The following ANKS1B variants were observed in gnomAD, a reference collection of about 807,000 sequenced individuals.
ANKS1B encodes ankyrin repeat and sterile alpha motif domain containing 1B.
Under a neutral mutation model 148.3 loss-of-function variants are expected in ANKS1B, and 36 were observed. That is an observed-to-expected ratio of 0.24 (90% CI 0.19 to 0.32). The LOEUF (loss-of-function observed/expected upper bound fraction) is 0.32. ANKS1B is among the 10% of genes least tolerant of loss of function. The pLI is 1.00. For synonymous variants in ANKS1B, 542 were observed against 560.8 expected, an observed-to-expected ratio of 0.97 and a Z score of 0.47; for missense variants, 1,157 against 1,542.6, an observed-to-expected ratio of 0.75 and a Z score of 4.19.
chr12:99,842,545 A>G (rs1234602297), intron 1 of ANKS1B, among the ~76,000 whole-genome samples: 1 of 152,110 alleles, frequency 6.6e-6, no homozygotes, highest in Non-Finnish European at 1.5e-5. Context: ...CCCTCAGGTG[A>G]TACCTGGTCA....
At chr12:99,352,794 A>T (rs1224587574) in intron 12 of ANKS1B, among the ~76,000 whole-genome samples, 1 of 72,950 alleles carries the variant, frequency 1.4e-5, no homozygotes, top group Non-Finnish European at 2.6e-5. Flanking sequence ...CTCATTGGCA[A>T]ATTTGCTCCT....
chr12:99,802,419 T>G (rs2067059938), intron 4 of ANKS1B, among the ~76,000 whole-genome samples: 1 of 152,166 alleles, frequency 6.6e-6, no homozygotes, highest in African/African-American at 2.4e-5. Context: ...CAACCCTACT[T>G]TCTTAATATC....
At chr12:99,911,699 C>A (rs147989938) in intron 1 of ANKS1B, among the ~76,000 whole-genome samples, 311 of 152,184 alleles carry the variant, frequency 2.0e-3, no homozygotes, top group African/African-American at 7.3e-3. Flanking sequence ...TTAAAAAACC[C>A]AACGTACTCA....
intron 12 of ANKS1B, among the ~76,000 whole-genome samples, chr12:99,338,727 T>C (rs1007362084): frequency 6.6e-6 from 1 of 152,122 alleles, no homozygotes; most frequent in Non-Finnish European, 1.5e-5. Context: ...ATGGGCTCTT[T>C]AGCCAGCAGG....
At chr12:99,810,101 G>T (rs1442105836) in intron 3 of ANKS1B, among the ~76,000 whole-genome samples, 1 of 152,002 alleles carries the variant, frequency 6.6e-6, no homozygotes, top group African/African-American at 2.4e-5. Flanking sequence ...TGTGTAAAAG[G>T]CTCTGGAGTC....
intron 3 of ANKS1B, 27 bp downstream of exon 3, chr12:99,812,128 T>A: frequency 6.3e-7 from 1 of 1,593,376 alleles, no homozygotes; most frequent in Non-Finnish European, 8.6e-7. Flanking sequence ...AAAAATTACA[T>A]CATGAGCAAA....
intron 10 of ANKS1B, among the ~76,000 whole-genome samples, chr12:99,465,904 A>C (rs1187005807): frequency 6.6e-6 from 1 of 152,036 alleles, no homozygotes; most frequent in Non-Finnish European, 1.5e-5. Flanking sequence ...AGTTAACAAG[A>C]ATACCCAGGA....
chr12:98,914,794 A>G (rs2099791931), intron 17 of ANKS1B, among the ~76,000 whole-genome samples: 1 of 151,808 alleles, frequency 6.6e-6, no homozygotes, highest in Admixed American at 6.6e-5. Context: ...CTTCATGACT[A>G]CTCAAATGAA....
At chr12:98,766,311 G>T (rs2098479795) in intron 25 of ANKS1B, among the ~76,000 whole-genome samples, 1 of 152,138 alleles carries the variant, frequency 6.6e-6, no homozygotes. Flanking sequence ...AGGACCATTG[G>T]AATGCGATGC....
At chr12:99,053,358 C>T in intron 16 of ANKS1B, 49 bp from the exon 17 acceptor site, 1 of 1,412,246 alleles carries the variant, frequency 7.1e-7, no homozygotes, top group African/African-American at 1.5e-5. Context: ...CTTTGTGTCC[C>T]AACAACAGAA....
chr12:99,054,771 T>C (rs1339601840), intron 16 of ANKS1B, among the ~76,000 whole-genome samples: 1 of 152,238 alleles, frequency 6.6e-6, no homozygotes, highest in Non-Finnish European at 1.5e-5. Context: ...CTCAAACTCC[T>C]GACCTCAAGT....
intron 1 of ANKS1B, among the ~76,000 whole-genome samples, chr12:99,915,877 C>T (rs1303324406): frequency 2.6e-5 from 4 of 152,136 alleles, no homozygotes; most frequent in Non-Finnish European, 5.9e-5. Context: ...GGTTTTCTGG[C>T]ATTCTGTTGC....
At chr12:99,170,070 A>C (rs763136867) in intron 14 of ANKS1B, among the ~76,000 whole-genome samples, 1 of 152,212 alleles carries the variant, frequency 6.6e-6, no homozygotes, top group Non-Finnish European at 1.5e-5. Flanking sequence ...CTAATGTGAA[A>C]AGCCATGAGA....
intron 11 of ANKS1B, among the ~76,000 whole-genome samples, chr12:99,440,475 T>G (rs2095531804): frequency 6.6e-6 from 1 of 151,696 alleles, no homozygotes; most frequent in Non-Finnish European, 1.5e-5. Context: ...TGTGGGTTAA[T>G]ATACTGGAGA....
chr12:99,047,666 G>C (rs1178305234), intron 17 of ANKS1B, among the ~76,000 whole-genome samples: 1 of 152,156 alleles, frequency 6.6e-6, no homozygotes, highest in Non-Finnish European at 1.5e-5. Flanking sequence ...GCAGAAGAGA[G>C]GCTGGTGGAG....
intron 12 of ANKS1B, among the ~76,000 whole-genome samples, chr12:99,283,442 G>A (rs2078731210): frequency 6.6e-6 from 1 of 152,120 alleles, no homozygotes; most frequent in African/African-American, 2.4e-5. Context: ...CATCTTTACT[G>A]TTTGTTCTCT....
At chr12:99,573,379 T>A (rs75473132) in intron 9 of ANKS1B, among the ~76,000 whole-genome samples, 2,642 of 152,232 alleles carry the variant, frequency 0.017, 64 homozygotes, top group African/African-American at 0.059. Context: ...TTGATTTTTT[T>A]AAAAAATTGG....
intron 1 of ANKS1B, among the ~76,000 whole-genome samples, chr12:99,826,918 C>T (rs569406095): frequency 6.6e-6 from 1 of 152,024 alleles, no homozygotes; most frequent in African/African-American, 2.4e-5. Flanking sequence ...TGAGACCAGC[C>T]TTGGCAACAT....
At chr12:99,562,964 T>C (rs927268503) in intron 9 of ANKS1B, among the ~76,000 whole-genome samples, 4 of 152,230 alleles carry the variant, frequency 2.6e-5, no homozygotes. Context: ...TTTTGTACTA[T>C]GGAGACAGTT....
Sources: allele counts gnomAD v4.1 joint callset (sites outside exome capture counted in the v4.1 genomes callset), GRCh38; gene constraint gnomAD v4.1.1; transcripts MANE v1.5; gene names NCBI Gene and HGNC (gene_info 2026-07-23, HGNC 2026-07-21).